SLF1: variants seen among roughly 807,000 people sequenced by gnomAD.
The protein encoded by SLF1 is SMC5/6 complex localization factor 1.
In SLF1, 105 loss-of-function variants were observed where a neutral mutation model predicts 123.0. The ratio of observed to expected loss-of-function variants is 0.85; its 90% CI spans 0.73 to 1.00. The LOEUF (loss-of-function observed/expected upper bound fraction) is 1.00, where lower values mean the gene tolerates loss of function less well. Among genes scored for constraint, SLF1 ranks in the 50% least tolerant of loss-of-function variants. The probability of loss-of-function intolerance (pLI) is 0.00; values close to 1 mark genes in which losing one functional copy is unlikely to be tolerated. For synonymous variants in SLF1, 434 were observed against 406.6 expected (o/e 1.07, Z -0.81); for missense variants, 1,239 against 1,223.0 (o/e 1.01, Z -0.20).
intron 15 of SLF1, among the ~76,000 whole-genome samples, chr5:94,684,441 G>T (rs1032922026): frequency 1.3e-5 from 2 of 152,074 alleles, no homozygotes; most frequent in Admixed American, 6.5e-5. Context: ...GGTCACCCCT[G>T]TAATCCCAGC....
At chr5:94,677,955 C>T (rs1014198939) in intron 14 of SLF1, among the ~76,000 whole-genome samples, 1 of 150,266 alleles carries the variant, frequency 6.7e-6, no homozygotes, top group East Asian at 1.9e-4. Context: ...GAGTCTCACT[C>T]TGTCACCCAG....
chr5:94,641,709 G>A (rs754378762), intron 4 of SLF1, among the ~76,000 whole-genome samples: 7 of 152,082 alleles, frequency 4.6e-5, no homozygotes, highest in Non-Finnish European at 1.0e-4. Flanking sequence ...TCAGCTTCAG[G>A]TCGAGGGTGT....
rs545663148 is a variant in SLF1, at chr5:94,696,185, A to G, written c.*873A>G. The G allele has an allele frequency of 1.3e-5, 2 of 151,780 alleles. No individual in the cohort carries two copies. The highest frequency in any genetic ancestry group is 4.8e-5 in the African/African-American group (2 of 41,394). 9.4% of individuals were successfully genotyped at this position (151,780 alleles called of 1,614,324 possible). A position where few individuals can be genotyped will look rare whatever the true frequency, so the allele number is the denominator to read the frequency against. ...AGTAAAACTAAAAGAAAGGGTGTGG[A>G]TAATAACCACTTTTGAGATTGGAGT... is the stretch of plus-strand genomic sequence containing the variant. On this transcript the variant is annotated 3_prime_UTR_variant, in exon 21 of 21. Transcript: ENST00000265140.
intron 11 of SLF1, among the ~76,000 whole-genome samples, chr5:94,665,241 T>C (rs1323350207): frequency 6.6e-6 from 1 of 152,036 alleles, no homozygotes; most frequent in Non-Finnish European, 1.5e-5. Flanking sequence ...GAATACTGTA[T>C]TTAATTGCAG....
intron 20 of SLF1, among the ~76,000 whole-genome samples, chr5:94,693,850 T>G (rs1416138940): frequency 6.6e-6 from 1 of 151,830 alleles, no homozygotes; most frequent in African/African-American, 2.4e-5. Flanking sequence ...AATTATCTTC[T>G]TTCCATAAAT....
chr5:94,677,348 A>G (rs980497611), intron 14 of SLF1, among the ~76,000 whole-genome samples: 6 of 152,212 alleles, frequency 3.9e-5, no homozygotes, highest in Non-Finnish European at 8.8e-5. Context: ...ATCACAAAAC[A>G]GTTGGGTAAA....
At chr5:94,668,175 C>T (rs1750033536) in intron 12 of SLF1, among the ~76,000 whole-genome samples, 1 of 151,996 alleles carries the variant, frequency 6.6e-6, no homozygotes, top group Admixed American at 6.6e-5. Context: ...TCAAATCTCA[C>T]TGTCACCAAG....
intron 12 of SLF1, among the ~76,000 whole-genome samples, chr5:94,669,592 C>T (rs910013372): frequency 6.6e-6 from 1 of 151,986 alleles, no homozygotes; most frequent in Non-Finnish European, 1.5e-5. Flanking sequence ...CTTGGGTATA[C>T]AAGCCACATT....
rs1181002398 is a variant in SLF1, at chr5:94,692,250, C to T, written c.2689C>T (p.His897Tyr). 1.9e-6 allele frequency: 3 copies of T among 1,613,000 alleles called. No homozygotes were observed. Among genetic ancestry groups the T allele is most frequent in the Non-Finnish European group, 2.5e-6 (3 of 1,179,408 alleles). The change falls in exon 20 of 21, where the codon CAT (histidine) becomes TAT (tyrosine). Residue 897 changes from histidine to tyrosine, a missense_variant. Coordinates refer to ENST00000265140, the MANE Select transcript of SLF1 (RefSeq NM_032290.4). Reference protein sequence around the residue: ...HVEIGKLLLQHGGPVLLQQRN... With the variant: ...HVEIGKLLLQYGGPVLLQQRN... ...AGAAATTGGCAAGCTGCTACTACAG[C>T]ATGGGGGTGAGTGTGTTTATGCTAA... is the stretch of plus-strand genomic sequence containing the variant.
intron 5 of SLF1, 21 bp from the exon 6 acceptor site, chr5:94,649,433 A>G (rs1040534552): frequency 3.1e-5 from 45 of 1,460,554 alleles, no homozygotes; most frequent in Admixed American, 6.6e-5. Context: ...GATTGCCTAA[A>G]CCATTTTTAC....
intron 4 of SLF1, among the ~76,000 whole-genome samples, chr5:94,642,539 C>A (rs550650138): frequency 1.3e-5 from 2 of 152,304 alleles, no homozygotes; most frequent in African/African-American, 4.8e-5. Flanking sequence ...CTTCAGAAAT[C>A]ACCTTACTTG....
At chr5:94,669,244 A>G (rs1427791837) in intron 12 of SLF1, among the ~76,000 whole-genome samples, 3 of 152,168 alleles carry the variant, frequency 2.0e-5, no homozygotes, top group Non-Finnish European at 4.4e-5. Context: ...CTGATTAACT[A>G]TGTGGGCATG....
At chr5:94,689,346 G>T in intron 17 of SLF1, 127 bp from the exon 18 acceptor site, 1 of 944,982 alleles carries the variant, frequency 1.1e-6, no homozygotes, top group South Asian at 2.8e-5. Context: ...TTAGAAAGCA[G>T]TAAAGATTGA....
chr5:94,628,107 A>G (rs1040722865), intron 1 of SLF1, among the ~76,000 whole-genome samples: 2 of 151,930 alleles, frequency 1.3e-5, no homozygotes, highest in African/African-American at 4.8e-5. Flanking sequence ...CTGGGATTAC[A>G]GGCGTGAGCC....
chr5:94,669,276 A>C (rs1204041934), intron 12 of SLF1, among the ~76,000 whole-genome samples: 1 of 152,172 alleles, frequency 6.6e-6, no homozygotes, highest in Non-Finnish European at 1.5e-5. Flanking sequence ...AGATAGATTG[A>C]ATATTAAATA....
chr5:94,692,277 T>C, intron 20 of SLF1, 21 bp downstream of exon 20: 1 of 1,598,160 alleles, frequency 6.3e-7, no homozygotes, highest in Non-Finnish European at 8.5e-7. Context: ...TTATGCTAAA[T>C]GGGTTTTGAT....
chr5:94,641,924 C>G lies in SLF1; in HGVS notation c.432-1349C>G, dbSNP rs992488661. On this transcript the variant is annotated intron_variant, in intron 4 of 20. Transcript: ENST00000265140. ...ATTAGATCTCTCTTGTGTATTGATA[C>G]AAGACCTGGGACCTAAGTGACATTC... Among the ~76,000 whole-genome samples the G allele has an allele frequency of 2.0e-5, 3 of 152,200 alleles. No individual in the cohort carries two copies. In the East Asian group the frequency reaches 5.8e-4, roughly 29 times the overall value.
Position 94,689,518 on chromosome 5 carries a change from A to G in SLF1, c.2331A>G (p.Lys777=). The change falls in exon 18 of 21, where the codon AAA becomes AAG. Residue 777 remains lysine, a synonymous_variant. Coordinates refer to ENST00000265140, the MANE Select transcript of SLF1 (RefSeq NM_032290.4). ...AKCSSSLKKL[K]KKSEGELSCS... ...GTTCCTCATCATTAAAAAAATTGAA[A>G]AAGAAGTCAGAAGGAGAATTGTCAT... 6 of 1,612,806 alleles carry G rather than the reference A, an allele frequency of 3.7e-6. No individual in the cohort carries two copies. The highest frequency in any genetic ancestry group is 5.1e-6 in the Non-Finnish European group (6 of 1,179,160).
chr5:94,658,510 G>A (rs1748700691), intron 9 of SLF1, among the ~76,000 whole-genome samples: 4 of 151,860 alleles, frequency 2.6e-5, no homozygotes, highest in Middle Eastern at 3.4e-3. Context: ...GGCTTATAAG[G>A]CTTCTGCTGA....
Sources: allele counts gnomAD v4.1 joint callset (sites outside exome capture counted in the v4.1 genomes callset), GRCh38; gene constraint gnomAD v4.1.1; transcripts MANE v1.5; gene names NCBI Gene and HGNC (gene_info 2026-07-23, HGNC 2026-07-21).